The following THADA variants were observed in gnomAD, a reference collection of about 807,000 sequenced individuals.
THADA encodes THADA armadillo repeat containing.
Under a neutral mutation model 219.8 loss-of-function variants are expected in THADA, and 213 were observed. The ratio of observed to expected loss-of-function variants is 0.97; its 90% CI spans 0.87 to 1.09. THADA has a LOEUF of 1.09. Ranked by LOEUF, THADA falls within the 50% of genes least tolerant of loss-of-function variation. The pLI is 0.00. For missense variants in THADA, 2,956 were observed against 2,311.3 expected, an observed-to-expected ratio of 1.28 and a Z score of -5.72; for synonymous variants, 1,018 against 828.9, an observed-to-expected ratio of 1.23 and a Z score of -3.92.
intron 31 of THADA, among the ~76,000 whole-genome samples, chr2:43,297,644 G>A (rs1481811868): frequency 2.0e-5 from 2 of 99,312 alleles, no homozygotes; most frequent in Admixed American, 8.5e-5. Context: ...CGGGAGGTGA[G>A]GGGCGCCTCT....
intron 14 of THADA, among the ~76,000 whole-genome samples, chr2:43,568,470 G>C (rs1441817943): frequency 6.6e-6 from 1 of 152,088 alleles, no homozygotes; most frequent in East Asian, 1.9e-4. Context: ...TACCAGTAGG[G>C]AAAAAGTACC....
At position 43,284,576 on chromosome 2, in the gene THADA, G is replaced by A. The variant is rs555833603; in HGVS notation, c.5164+2332C>T. The stretch of plus-strand genomic sequence containing the variant: ...GATGTCCAGGCAGAAGTCTGCTGCA[G>A]GAGTGGGGCCCTCATGGAGAACCTC... On this transcript the variant is annotated intron_variant, in intron 35 of 37. Coordinates refer to ENST00000405975, the MANE Select transcript of THADA (RefSeq NM_022065.5). Among the ~76,000 whole-genome samples, 5 of 152,360 alleles carry A rather than the reference G, an allele frequency of 3.3e-5. No individual in the cohort carries two copies. The South Asian group carries it at 1.0e-3, about 32-fold the overall frequency.
chr2:43,594,718 C>A (rs201283551), intron 1 of THADA, among the ~76,000 whole-genome samples: 4 of 152,218 alleles, frequency 2.6e-5, no homozygotes, highest in Non-Finnish European at 5.9e-5. Flanking sequence ...GAGCTTTGTA[C>A]TTCCTGATGC....
At chr2:43,269,522 C>T (rs1443241360) in intron 36 of THADA, among the ~76,000 whole-genome samples, 5 of 152,276 alleles carry the variant, frequency 3.3e-5, no homozygotes, top group East Asian at 1.9e-4. Flanking sequence ...GTGACGCACT[C>T]GCTGAGATGC....
chr2:43,282,544 G>A (rs1673478625), intron 35 of THADA, among the ~76,000 whole-genome samples: 1 of 152,232 alleles, frequency 6.6e-6, no homozygotes, highest in Non-Finnish European at 1.5e-5. Flanking sequence ...GATTCTTGAG[G>A]GCTGGGCATG....
rs1383220119 is a variant in THADA, at chr2:43,592,427, G to T, written c.-24-11C>A. 1.4e-6 allele frequency: 2 copies of T among 1,476,488 alleles called. No individual in the cohort carries two copies. Among genetic ancestry groups the T allele is most frequent in the Non-Finnish European group, 9.3e-7 (1 of 1,075,786 alleles). The allele number at this position is 1,476,488 out of a possible 1,614,324, so 91.5% of individuals were successfully genotyped here. On this transcript the variant is annotated splice_polypyrimidine_tract_variant and intron_variant, in intron 1 of 37. Coordinates refer to ENST00000405975, the MANE Select transcript of THADA (RefSeq NM_022065.5). Reference sequence around the variant, plus strand: ...AATTAATAGTAGTCACTGCAAGAAAGAAGACTTTAAGGCATTAATGTAAGG... The same window carrying T: ...AATTAATAGTAGTCACTGCAAGAAATAAGACTTTAAGGCATTAATGTAAGG...
intron 30 of THADA, among the ~76,000 whole-genome samples, chr2:43,338,668 A>C (rs1666752529): frequency 6.6e-6 from 1 of 152,200 alleles, no homozygotes; most frequent in South Asian, 2.1e-4. Flanking sequence ...AGATTCATCC[A>C]TGTTGTGGCA....
Position 43,556,133 on chromosome 2 carries a change from T to C in THADA, c.2674+212A>G, listed in dbSNP as rs568708458. 719 of 1,109,230 alleles carry C rather than the reference T, an allele frequency of 6.5e-4. 3 individuals are homozygous for C. The highest frequency in any genetic ancestry group is 8.1e-4 in the Non-Finnish European group (683 of 842,878). 68.7% of individuals were successfully genotyped at this position (1,109,230 alleles called of 1,614,324 possible). A position where few individuals can be genotyped will look rare whatever the true frequency, so the allele number is the denominator to read the frequency against. ...AGCTTTATTAATAAATATTTGTATA[T>C]GTACTTATTCAACATAAATCCACTG... On this transcript the variant is annotated intron_variant, in intron 17 of 37. Transcript: ENST00000405975.
intron 23 of THADA, among the ~76,000 whole-genome samples, chr2:43,508,163 A>G (rs1424606796): frequency 6.6e-6 from 1 of 152,168 alleles, no homozygotes; most frequent in Non-Finnish European, 1.5e-5. Context: ...ATGAGGTGAA[A>G]TAACCACTAA....
At chr2:43,367,035 A>G (rs2104608770) in intron 29 of THADA, among the ~76,000 whole-genome samples, 1 of 152,360 alleles carries the variant, frequency 6.6e-6, no homozygotes, top group South Asian at 2.1e-4. Flanking sequence ...CACATGCCAA[A>G]ACACAGATGA....
intron 22 of THADA, among the ~76,000 whole-genome samples, chr2:43,518,530 G>A (rs979072997): frequency 1.3e-5 from 2 of 152,054 alleles, no homozygotes; most frequent in African/African-American, 4.8e-5. Flanking sequence ...TAAGACCCAA[G>A]AACAAAACCA....
chr2:43,586,635 G>C (rs961317198), intron 6 of THADA, 67 bp downstream of exon 6: 10 of 1,523,470 alleles, frequency 6.6e-6, no homozygotes, highest in South Asian at 4.9e-5. Context: ...AAACTTAAAA[G>C]AGCCAGTTCC....
chr2:43,240,697 G>C (rs1238455217), intron 36 of THADA, among the ~76,000 whole-genome samples: 2 of 152,158 alleles, frequency 1.3e-5, no homozygotes, highest in Non-Finnish European at 2.9e-5. Flanking sequence ...ACCCCTACTG[G>C]AGACAAATGG....
At chr2:43,561,427 G>C (rs1251494433) in intron 15 of THADA, among the ~76,000 whole-genome samples, 1 of 152,142 alleles carries the variant, frequency 6.6e-6, no homozygotes, top group Non-Finnish European at 1.5e-5. Flanking sequence ...TTATCCCAAA[G>C]AATGATGGTA....
intron 24 of THADA, among the ~76,000 whole-genome samples, chr2:43,501,039 C>T (rs550282937): frequency 1.1e-3 from 167 of 151,892 alleles, no homozygotes; most frequent in African/African-American, 3.4e-3. Flanking sequence ...GGCATGGTGG[C>T]TCAAGCCTGT....
rs547413128 is a variant in THADA, at chr2:43,296,594, G to C, written c.4439-3381C>G. Among the ~76,000 whole-genome samples the C allele has an allele frequency of 7.2e-5, 11 of 152,244 alleles. 1 individual carries two copies. The highest frequency in any genetic ancestry group is 2.0e-4 in the Admixed American group (3 of 15,286). ...CCCAGCCAGGCAGTATCTTTATAAAGCAGTGGGGGAAACCCTGGGCAGCTG... is the reference window on the plus strand; with the variant it reads ...CCCAGCCAGGCAGTATCTTTATAAACCAGTGGGGGAAACCCTGGGCAGCTG... On this transcript the variant is annotated intron_variant, in intron 31 of 37. Coordinates refer to ENST00000405975, the MANE Select transcript of THADA (RefSeq NM_022065.5).
At position 43,292,886 on chromosome 2, in the gene THADA, T is replaced by C. The variant is rs1674903575; in HGVS notation, c.4766A>G (p.Glu1589Gly). 2 of 1,613,798 alleles carry C rather than the reference T, an allele frequency of 1.2e-6. No individual in the cohort carries two copies. Among genetic ancestry groups the C allele is most frequent in the Non-Finnish European group, 8.5e-7 (1 of 1,179,892 alleles). ...CTTCATGGCCAACAATAAGAACTTC[T>C]CTCCCATGTTGCACAGCAAGGGTGG... ...GVPPLLCNMG[E>G]KFLLLAMKEN... The change falls in exon 32 of 38, where the codon GAG becomes GGG. Residue 1589 changes from glutamate to glycine, a missense_variant. Glu to Gly is a moderately conservative substitution (Grantham distance 98). Transcript: ENST00000405975.
intron 31 of THADA, among the ~76,000 whole-genome samples, chr2:43,304,992 T>C (rs1208582983): frequency 4.6e-5 from 7 of 152,166 alleles, no homozygotes; most frequent in African/African-American, 1.2e-4. Flanking sequence ...TTTCAATGCA[T>C]AGGGAGACAG....
At chr2:43,565,783 T>C (rs562671931) in intron 15 of THADA, 2 of 152,172 alleles carry the variant, frequency 1.3e-5, no homozygotes, top group South Asian at 2.1e-4. Flanking sequence ...TACACACATA[T>C]ACAGGGAAAA....
Sources: allele counts gnomAD v4.1 joint callset (sites outside exome capture counted in the v4.1 genomes callset), GRCh38; gene constraint gnomAD v4.1.1; transcripts MANE v1.5; gene names NCBI Gene and HGNC (gene_info 2026-07-23, HGNC 2026-07-21).